Variants in FBXL17 observed in about 807,000 individuals in gnomAD.
The protein encoded by FBXL17 is F-box/LRR-repeat protein 17.
Under a neutral mutation model 66.2 loss-of-function variants are expected in FBXL17, and 22 were observed. The observed-to-expected ratio is 0.33, with a 90% CI of 0.24 to 0.47. FBXL17 has a LOEUF of 0.47. Among genes scored for constraint, FBXL17 ranks in the 20% least tolerant of loss-of-function variants. The pLI is 1.00. For missense variants in FBXL17, 878 were observed against 948.2 expected, an observed-to-expected ratio of 0.93 and a Z score of 0.97; for synonymous variants, 474 against 400.5, an observed-to-expected ratio of 1.18 and a Z score of -2.19.
chr5:107,980,476 C>T (rs965178577), intron 7 of FBXL17, among the ~76,000 whole-genome samples: 5 of 149,168 alleles, frequency 3.4e-5, no homozygotes, highest in Non-Finnish European at 5.9e-5. Context: ...GCTGGGACTA[C>T]AAGCTCATGC....
At chr5:107,876,953 G>C (rs1029281758) in intron 8 of FBXL17, among the ~76,000 whole-genome samples, 2 of 152,190 alleles carry the variant, frequency 1.3e-5, no homozygotes, top group Non-Finnish European at 2.9e-5. Flanking sequence ...ATAAATGTGA[G>C]TTAAGTTGAT....
At chr5:108,063,340 G>A (rs1184473660) in intron 6 of FBXL17, among the ~76,000 whole-genome samples, 1 of 152,182 alleles carries the variant, frequency 6.6e-6, no homozygotes, top group Non-Finnish European at 1.5e-5. Context: ...TAAACTTACA[G>A]AGAAGCCAAT....
At chr5:107,880,362 A>G in intron 8 of FBXL17, 1 of 985,756 alleles carries the variant, frequency 1.0e-6, no homozygotes, top group Non-Finnish European at 1.2e-6. Context: ...TACAGGTGTC[A>G]GTATAGATTT....
intron 7 of FBXL17, among the ~76,000 whole-genome samples, chr5:107,988,679 C>T (rs1753113725): frequency 6.6e-6 from 1 of 151,846 alleles, no homozygotes; most frequent in Non-Finnish European, 1.5e-5. Flanking sequence ...AAAACTCTTG[C>T]TTAAGTGAAT....
chr5:107,934,125 TC>T (rs1186657642), intron 7 of FBXL17, among the ~76,000 whole-genome samples: 1 of 152,186 alleles, frequency 6.6e-6, no homozygotes, highest in Admixed American at 6.6e-5. Context: ...CATAATTGAC[TC>T]TAATTTTATT....
At position 108,141,378 on chromosome 5, in the gene FBXL17, T is replaced by C. The variant is rs534028799; in HGVS notation, c.1745+44739A>G. Among the ~76,000 whole-genome samples, 29 of 151,716 alleles carry C rather than the reference T, an allele frequency of 1.9e-4. No individual in the cohort carries two copies. In the South Asian group the frequency reaches 5.2e-3, roughly 27 times the overall value. ...TTTCCTATTGTCAAAATGACTGCTA[T>C]TGACTACAGACCTTTCCACACTATA... On this transcript the variant is annotated intron_variant, in intron 6 of 8. Coordinates refer to ENST00000542267, the MANE Select transcript of FBXL17 (RefSeq NM_001163315.3).
At chr5:108,284,549 AAGTG>A (rs577972954) in intron 4 of FBXL17, among the ~76,000 whole-genome samples, 232 of 151,942 alleles carry the variant, frequency 1.5e-3, no homozygotes, top group African/African-American at 5.1e-3. Flanking sequence ...AGACTTGGAA[AAGTG>A]AGTGAGTGGG....
intron 7 of FBXL17, among the ~76,000 whole-genome samples, chr5:108,018,559 C>T (rs1754470099): frequency 2.0e-5 from 3 of 152,080 alleles, no homozygotes; most frequent in South Asian, 2.1e-4. Context: ...ATCAACATTT[C>T]CCTCTCTTCC....
chr5:108,191,681 A>G (rs1285473767), intron 5 of FBXL17, among the ~76,000 whole-genome samples: 1 of 152,164 alleles, frequency 6.6e-6, no homozygotes, highest in Non-Finnish European at 1.5e-5. Context: ...TGACTCTTGA[A>G]CTTTTAGAAA....
intron 6 of FBXL17, among the ~76,000 whole-genome samples, chr5:108,115,162 G>T (rs948514316): frequency 1.3e-5 from 2 of 152,138 alleles, no homozygotes; most frequent in Non-Finnish European, 2.9e-5. Context: ...TGCTAGAACA[G>T]TAAGTACTCA....
At chr5:108,081,485 G>T (rs1163453092) in intron 6 of FBXL17, among the ~76,000 whole-genome samples, 3 of 152,124 alleles carry the variant, frequency 2.0e-5, no homozygotes, top group Admixed American at 1.3e-4. Flanking sequence ...ACTTTGGGAG[G>T]CCAAGGAGAG....
intron 6 of FBXL17, among the ~76,000 whole-genome samples, chr5:108,124,403 T>C (rs1269135534): frequency 6.6e-6 from 1 of 152,072 alleles, no homozygotes; most frequent in African/African-American, 2.4e-5. Context: ...AGTTTCTTCA[T>C]ATGTAAAATA....
At chr5:108,096,415 C>CT (rs1290787001) in intron 6 of FBXL17, among the ~76,000 whole-genome samples, 2 of 152,110 alleles carry the variant, frequency 1.3e-5, no homozygotes, top group African/African-American at 4.8e-5. Context: ...TCTTTGGTGG[C>CT]AGTTCAAAAT....
At chr5:108,182,488 T>C (rs1753043981) in intron 6 of FBXL17, among the ~76,000 whole-genome samples, 1 of 152,180 alleles carries the variant, frequency 6.6e-6, no homozygotes, top group African/African-American at 2.4e-5. Flanking sequence ...TCTATTACAG[T>C]ATACAGGATA....
chr5:108,204,896 G>T (rs773175655), intron 5 of FBXL17, among the ~76,000 whole-genome samples: 3 of 151,808 alleles, frequency 2.0e-5, no homozygotes, highest in African/African-American at 4.8e-5. Context: ...AACCTAGCTC[G>T]ATTATCAATA....
At chr5:107,920,119 C>T (rs1489651714) in intron 7 of FBXL17, among the ~76,000 whole-genome samples, 1 of 152,156 alleles carries the variant, frequency 6.6e-6, no homozygotes, top group East Asian at 1.9e-4. Context: ...ATTTCAAATG[C>T]CATATTAGTA....
At chr5:108,139,748 A>G (rs1318275435) in intron 6 of FBXL17, among the ~76,000 whole-genome samples, 1 of 152,118 alleles carries the variant, frequency 6.6e-6, no homozygotes, top group African/African-American at 2.4e-5. Flanking sequence ...ATGTTTAATC[A>G]CCATCCATCT....
At chr5:108,166,851 A>C (rs1358808435) in intron 6 of FBXL17, among the ~76,000 whole-genome samples, 1 of 152,212 alleles carries the variant, frequency 6.6e-6, no homozygotes, top group Non-Finnish European at 1.5e-5. Flanking sequence ...ATTAAAAGGT[A>C]TGCTTCCTGG....
chr5:108,296,425 A>G (rs1758353413), intron 4 of FBXL17, among the ~76,000 whole-genome samples: 1 of 151,896 alleles, frequency 6.6e-6, no homozygotes, highest in Admixed American at 6.6e-5. Context: ...GGCCTTATTT[A>G]TAACTATTTT....
Sources: gnomAD v4.1 joint callset for allele counts (sites outside exome capture counted in the v4.1 genomes callset) on GRCh38, gnomAD v4.1.1 for gene constraint, MANE v1.5 for transcripts, NCBI Gene and HGNC (gene_info 2026-07-23, HGNC 2026-07-21) for gene names.